Variants in SVOP observed in about 807,000 individuals in gnomAD.
SVOP encodes SV2 related protein, also known as synaptic vesicle 2-related protein.
In SVOP, 17 loss-of-function variants were observed where a neutral mutation model predicts 69.1. That is an observed-to-expected ratio of 0.25 (90% CI 0.17 to 0.37). SVOP has a LOEUF of 0.37. SVOP is among the 10% of genes least tolerant of loss of function. The probability of loss-of-function intolerance (pLI) is 1.00; values close to 1 mark genes in which losing one functional copy is unlikely to be tolerated. For missense variants in SVOP, 435 were observed against 597.5 expected, an observed-to-expected ratio of 0.73 and a Z score of 2.84; for synonymous variants, 238 against 238.6, an observed-to-expected ratio of 1.00 and a Z score of 0.02.
At chr12:109,009,564 C>A (rs2040329625) in intron 1 of SVOP, among the ~76,000 whole-genome samples, 1 of 152,052 alleles carries the variant, frequency 6.6e-6, no homozygotes, top group Admixed American at 6.5e-5. Context: ...AGGCACCCGC[C>A]ACCACGCCCA....
chr12:108,954,589 G>T (rs1003026149), intron 6 of SVOP, among the ~76,000 whole-genome samples: 2 of 152,038 alleles, frequency 1.3e-5, no homozygotes, highest in African/African-American at 2.4e-5. Flanking sequence ...TTGTAGTCCC[G>T]CCCCTTTGCT....
intron 1 of SVOP, among the ~76,000 whole-genome samples, chr12:108,996,095 C>A (rs2040230792): frequency 6.6e-6 from 1 of 152,098 alleles, no homozygotes; most frequent in Non-Finnish European, 1.5e-5. Context: ...GGGCTGGGCA[C>A]AGTGGCTCAT....
chr12:108,972,573 A>G, intron 4 of SVOP, 97 bp from the exon 5 acceptor site: 2 of 1,236,376 alleles, frequency 1.6e-6, no homozygotes, highest in Non-Finnish European at 2.3e-6. Context: ...CCTCTAGGTA[A>G]CAGCAATGAT....
At chr12:108,973,022 G>A (rs562258545) in intron 4 of SVOP, among the ~76,000 whole-genome samples, 37 of 152,278 alleles carry the variant, frequency 2.4e-4, no homozygotes, top group African/African-American at 8.7e-4. Context: ...AGAATGGGGA[G>A]CTGAGGCTCA....
intron 1 of SVOP, among the ~76,000 whole-genome samples, chr12:109,014,697 A>G (rs1290411488): frequency 6.6e-6 from 1 of 151,916 alleles, no homozygotes; most frequent in Admixed American, 6.6e-5. Context: ...ATCCTCACCA[A>G]CATTTGTTAT....
intron 1 of SVOP, among the ~76,000 whole-genome samples, chr12:108,985,356 TAAAAGG>T (rs1236074565): frequency 0.017 from 2,569 of 148,684 alleles, 34 homozygotes; most frequent in Middle Eastern, 0.036. Context: ...AAAGAAAAAA[TAAAAGG>T]AAAAGGAAAA....
intron 1 of SVOP, among the ~76,000 whole-genome samples, chr12:109,018,926 T>C (rs2040382309): frequency 1.3e-5 from 2 of 152,232 alleles, no homozygotes; most frequent in South Asian, 4.1e-4. Context: ...TGATCCTCAT[T>C]GTGTAGCTAA....
chr12:108,978,025 A>C (rs1314263114), intron 3 of SVOP, among the ~76,000 whole-genome samples: 1 of 152,188 alleles, frequency 6.6e-6, no homozygotes, highest in African/African-American at 2.4e-5. Flanking sequence ...ATCTAGAAGC[A>C]TGCCCATGTC....
intron 1 of SVOP, among the ~76,000 whole-genome samples, chr12:108,995,732 C>G (rs1038824397): frequency 1.3e-5 from 2 of 151,886 alleles, no homozygotes; most frequent in African/African-American, 4.8e-5. Context: ...GAAACCCTGT[C>G]TCTACTGAAA....
Position 109,020,978 on chromosome 12 carries a change from C to A in SVOP, c.-110G>T, listed in dbSNP as rs1350879054. 5 of 640,026 alleles carry A rather than the reference C, an allele frequency of 7.8e-6. No homozygotes were observed. The highest frequency in any genetic ancestry group is 7.4e-5 in the African/African-American group (4 of 53,986). 39.6% of individuals were successfully genotyped at this position (640,026 alleles called of 1,614,324 possible). On this transcript the variant is annotated 5_prime_UTR_variant, in exon 1 of 16. Coordinates refer to ENST00000610966, the MANE Select transcript of SVOP (RefSeq NM_018711.5). Reference sequence around the variant, plus strand: ...AAGCTGGACAGCACCCGCGCCGCTTCCTCCCTGGAGCAGCAGCTGTTCGGG... The same window carrying A: ...AAGCTGGACAGCACCCGCGCCGCTTACTCCCTGGAGCAGCAGCTGTTCGGG...
intron 11 of SVOP, among the ~76,000 whole-genome samples, chr12:108,923,196 C>T (rs1209163301): frequency 6.6e-6 from 1 of 151,190 alleles, no homozygotes; most frequent in Admixed American, 6.6e-5. Context: ...GTAGATGGGG[C>T]CTGTGACTTG....
chr12:108,967,978 G>A (rs982678298), intron 5 of SVOP, among the ~76,000 whole-genome samples: 1 of 152,194 alleles, frequency 6.6e-6, no homozygotes, highest in Non-Finnish European at 1.5e-5. Context: ...AACGCCAAGT[G>A]AATTACTGCC....
At chr12:108,939,607 G>T (rs1297611656) in intron 8 of SVOP, among the ~76,000 whole-genome samples, 1 of 152,208 alleles carries the variant, frequency 6.6e-6, no homozygotes, top group Non-Finnish European at 1.5e-5. Flanking sequence ...TCTACTTGCT[G>T]TAGGCCCTTT....
intron 6 of SVOP, among the ~76,000 whole-genome samples, chr12:108,952,230 CTTTTTTT>C (rs36191772): frequency 1.2e-4 from 12 of 98,396 alleles, no homozygotes; most frequent in African/African-American, 2.0e-4. Context: ...TTTCTTTTCT[CTTTTTTT>C]TTTTTTTTTT....
intron 6 of SVOP, among the ~76,000 whole-genome samples, chr12:108,949,329 G>T (rs2039941609): frequency 6.6e-6 from 1 of 151,978 alleles, no homozygotes; most frequent in Non-Finnish European, 1.5e-5. Flanking sequence ...GAGTGCAGTG[G>T]TGCGATCTCA....
At chr12:108,967,871 T>G (rs140809907) in intron 5 of SVOP, among the ~76,000 whole-genome samples, 378 of 152,330 alleles carry the variant, frequency 2.5e-3, no homozygotes, top group African/African-American at 8.9e-3. Context: ...GGTTACAACC[T>G]TCAAGATTCA....
At chr12:108,952,727 C>T (rs1219295551) in intron 6 of SVOP, among the ~76,000 whole-genome samples, 4 of 152,104 alleles carry the variant, frequency 2.6e-5, no homozygotes, top group Non-Finnish European at 5.9e-5. Flanking sequence ...GGCGTGGTGG[C>T]ACACATCTGT....
rs1041016443 is a variant in SVOP at position 108,985,776 on chromosome 12, T to TA, written c.36-2016dup. 9.5e-4 allele frequency among the ~76,000 whole-genome samples: 144 copies of TA among 151,918 alleles called. 4 individuals are homozygous for TA. In the East Asian group the frequency reaches 0.026, roughly 28 times the overall value. On this transcript the variant is annotated intron_variant, in intron 1 of 15. Coordinates refer to ENST00000610966, the MANE Select transcript of SVOP (RefSeq NM_018711.5). ...ACATTTGATCCATGTTTTTAAAAGGTAAAAAAAAGAGAAATATTTAAGTTC... is the reference window on the plus strand; with the variant it reads ...ACATTTGATCCATGTTTTTAAAAGGTAAAAAAAAAGAGAAATATTTAAGTTC...
intron 5 of SVOP, among the ~76,000 whole-genome samples, chr12:108,971,263 T>C (rs2137429834): frequency 6.6e-6 from 1 of 152,024 alleles, no homozygotes; most frequent in African/African-American, 2.4e-5. Context: ...ACCCTGTCTG[T>C]ACTAAAAATA....
Sources: allele counts gnomAD v4.1 joint callset (sites outside exome capture counted in the v4.1 genomes callset), GRCh38; gene constraint gnomAD v4.1.1; transcripts MANE v1.5; gene names NCBI Gene and HGNC (gene_info 2026-07-23, HGNC 2026-07-21).